The following SLC13A1 variants were observed in gnomAD, a reference collection of about 807,000 sequenced individuals.
SLC13A1 encodes solute carrier family 13 member 1.
SLC13A1 carries 65 observed loss-of-function variants against 70.0 expected under a neutral mutation model. That is an observed-to-expected ratio of 0.93 (90% CI 0.76 to 1.14). The LOEUF (loss-of-function observed/expected upper bound fraction) is 1.14, where lower values mean the gene tolerates loss of function less well. Ranked by LOEUF, SLC13A1 falls within the 50% of genes most tolerant of loss-of-function variation. SLC13A1 has a pLI of 0.00. For synonymous variants in SLC13A1, 275 were observed against 250.5 expected, an observed-to-expected ratio of 1.10 and a Z score of -0.92; for missense variants, 726 against 717.8, an observed-to-expected ratio of 1.01 and a Z score of -0.13.
intron 2 of SLC13A1, among the ~76,000 whole-genome samples, chr7:123,179,614 A>G (rs1271902426): frequency 6.6e-6 from 1 of 152,084 alleles, no homozygotes; most frequent in Non-Finnish European, 1.5e-5. Flanking sequence ...TATCCTTGGC[A>G]GCTCCTACAA....
In SLC13A1 at chr7:123,171,869, C is replaced by T; in HGVS notation, c.264G>A (p.Leu88=). 1.2e-6 allele frequency: 2 copies of T among 1,613,214 alleles called. No individual in the cohort carries two copies. The highest frequency in any genetic ancestry group is 1.7e-5 in the Admixed American group (1 of 59,954). The change falls in exon 3 of 15, where the codon CTG becomes CTA. Residue 88 remains leucine, a synonymous_variant. Coordinates refer to ENST00000194130, the MANE Select transcript of SLC13A1 (RefSeq NM_022444.4). ...ASAYFKDFHL[L]LIGVICLATS... is the part of the protein sequence containing the mutation. ...TTGCTAAACAGATAACTCCAATTAG[C>T]AGTAAGTGAAAATCCTTGAAATAAG...
chr7:123,187,965 G>A (rs1795865472), intron 1 of SLC13A1, among the ~76,000 whole-genome samples: 1 of 152,122 alleles, frequency 6.6e-6, no homozygotes, highest in African/African-American at 2.4e-5. Flanking sequence ...ACTTCAAACG[G>A]GAAGGAGTCC....
In SLC13A1 at chr7:123,199,913, G is replaced by A. The variant is rs28364172; in HGVS notation, c.34C>T (p.Arg12Ter). The change falls in exon 1 of 15, where the codon CGA (arginine) becomes TGA (stop). Residue 12 changes from arginine (R) to a stop codon, truncating the protein, a stop_gained. Coordinates refer to ENST00000194130, the MANE Select transcript of SLC13A1 (RefSeq NM_022444.4). LOFTEE classifies it high-confidence loss of function. ...KFFSYILVYR[R>*]FLFVVFTVLV... ...ACAGTGAAAACCACGAAGAGAAATC[G>A]GCGATAAACCAGAATGTAACTGAAG... 2.4e-3 allele frequency: 3,884 copies of A among 1,613,010 alleles called. 7 individuals carry two copies. The highest frequency in any genetic ancestry group is 2.8e-3 in the Non-Finnish European group (3,343 of 1,179,334).
At chr7:123,133,241 A>G (rs1051972092) in intron 8 of SLC13A1, among the ~76,000 whole-genome samples, 1 of 152,174 alleles carries the variant, frequency 6.6e-6, no homozygotes, top group African/African-American at 2.4e-5. Flanking sequence ...CTGGTCTACT[A>G]ATTCCTAAAA....
At chr7:123,171,499 T>A (rs1310085377) in intron 3 of SLC13A1, among the ~76,000 whole-genome samples, 1 of 152,194 alleles carries the variant, frequency 6.6e-6, no homozygotes. Flanking sequence ...TTCTCTCAGC[T>A]TTGACTTCTA....
At chr7:123,122,157 C>A (rs943816390) in intron 12 of SLC13A1, among the ~76,000 whole-genome samples, 18 of 152,076 alleles carry the variant, frequency 1.2e-4, no homozygotes, top group African/African-American at 3.4e-4. Flanking sequence ...AGACACATAA[C>A]TCTGTGCAGA....
chr7:123,197,651 A>G (rs1187130089), intron 1 of SLC13A1, among the ~76,000 whole-genome samples: 1 of 152,150 alleles, frequency 6.6e-6, no homozygotes, highest in African/African-American at 2.4e-5. Flanking sequence ...CTCCATTAAC[A>G]TTAATTGAGT....
intron 4 of SLC13A1, 80 bp from the exon 5 acceptor site, chr7:123,168,641 G>A: frequency 1.0e-6 from 1 of 977,774 alleles, no homozygotes; most frequent in Admixed American, 2.1e-5. Flanking sequence ...TGCGAAGATG[G>A]AAGCATTAGT....
At chr7:123,167,451 A>G (rs937192361) in intron 6 of SLC13A1, among the ~76,000 whole-genome samples, 2 of 152,174 alleles carry the variant, frequency 1.3e-5, no homozygotes, top group Non-Finnish European at 2.9e-5. Context: ...AGATTTCTGT[A>G]ATTAACAAGA....
chr7:123,181,436 C>T (rs1393288807), intron 1 of SLC13A1, among the ~76,000 whole-genome samples: 1 of 152,078 alleles, frequency 6.6e-6, no homozygotes, highest in Non-Finnish European at 1.5e-5. Context: ...AAATGCACTC[C>T]CCCATACTTC....
At chr7:123,164,677 T>TA (rs1475973487) in intron 6 of SLC13A1, among the ~76,000 whole-genome samples, 1 of 151,858 alleles carries the variant, frequency 6.6e-6, no homozygotes, top group Non-Finnish European at 1.5e-5. Flanking sequence ...TCATGAGTGT[T>TA]AGGCTGTGTT....
At chr7:123,178,956 C>T (rs982857102) in intron 2 of SLC13A1, among the ~76,000 whole-genome samples, 13 of 152,074 alleles carry the variant, frequency 8.5e-5, no homozygotes, top group African/African-American at 2.9e-4. Context: ...ATATGGAGTA[C>T]TTACTATGTA....
intron 7 of SLC13A1, among the ~76,000 whole-genome samples, chr7:123,140,861 TA>T (rs1346114997): frequency 6.6e-6 from 1 of 152,158 alleles, no homozygotes; most frequent in East Asian, 1.9e-4. Context: ...TTTAACTTTT[TA>T]AAAAAAGAAA....
intron 7 of SLC13A1, among the ~76,000 whole-genome samples, chr7:123,141,274 T>C (rs1353587413): frequency 6.6e-6 from 1 of 152,152 alleles, no homozygotes; most frequent in Non-Finnish European, 1.5e-5. Context: ...TTAGAGAAGA[T>C]GTTTGATATT....
chr7:123,150,119 C>T lies in SLC13A1; in HGVS notation c.661-2809G>A, dbSNP rs1585335097. On this transcript the variant is annotated intron_variant, in intron 6 of 14. Coordinates refer to ENST00000194130, the MANE Select transcript of SLC13A1 (RefSeq NM_022444.4). ...ATCCAGTGCTGTAATGATGTTGCTC[C>T]TCTACCCTACTGTGTTTGCATAACC... Among the ~76,000 whole-genome samples, 3 of 152,258 alleles carry T rather than the reference C, an allele frequency of 2.0e-5. No homozygotes were observed. In the East Asian group the frequency reaches 5.8e-4, roughly 29 times the overall value.
At chr7:123,139,071 T>G (rs944024512) in intron 7 of SLC13A1, among the ~76,000 whole-genome samples, 1 of 152,054 alleles carries the variant, frequency 6.6e-6, no homozygotes, top group Non-Finnish European at 1.5e-5. Flanking sequence ...AGTGTTTAAT[T>G]TATTTTGATT....
chr7:123,153,584 G>A (rs1436028106), intron 6 of SLC13A1, among the ~76,000 whole-genome samples: 1 of 152,040 alleles, frequency 6.6e-6, no homozygotes, highest in Non-Finnish European at 1.5e-5. Flanking sequence ...AGGGCACTGA[G>A]CTGAAAAATA....
At chr7:123,162,172 G>T (rs1794936442) in intron 6 of SLC13A1, among the ~76,000 whole-genome samples, 2 of 151,912 alleles carry the variant, frequency 1.3e-5, no homozygotes, top group Non-Finnish European at 2.9e-5. Context: ...CACTAATATG[G>T]CTGAGCTTAT....
intron 1 of SLC13A1, among the ~76,000 whole-genome samples, chr7:123,187,719 C>T (rs1178651795): frequency 6.6e-6 from 1 of 152,126 alleles, no homozygotes; most frequent in African/African-American, 2.4e-5. Flanking sequence ...ATTTTATGTA[C>T]TTCAAATACA....
Sources: gnomAD v4.1 joint callset for allele counts (sites outside exome capture counted in the v4.1 genomes callset) on GRCh38, gnomAD v4.1.1 for gene constraint, MANE v1.5 for transcripts, NCBI Gene and HGNC (gene_info 2026-07-23, HGNC 2026-07-21) for gene names.